Variants in NBEA observed in about 807,000 individuals in gnomAD.
NBEA encodes lysosomal-trafficking regulator 2.
In NBEA, 44 loss-of-function variants were observed where a neutral mutation model predicts 343.4. The ratio of observed to expected loss-of-function variants is 0.13; its 90% CI spans 0.10 to 0.16. NBEA has a LOEUF of 0.16. Ranked by LOEUF, NBEA falls within the 10% of genes least tolerant of loss-of-function variation. NBEA has a pLI of 1.00. For missense variants in NBEA, 2,555 were observed against 3,631.3 expected (o/e 0.70, Z 7.62); for synonymous variants, 1,175 against 1,238.7 (o/e 0.95, Z 1.08).
intron 48 of NBEA, among the ~76,000 whole-genome samples, chr13:35,609,887 G>C (rs546860552): frequency 6.6e-6 from 1 of 152,282 alleles, no homozygotes; most frequent in South Asian, 2.1e-4. Context: ...TTGGTGAGAA[G>C]CTGCCTGCTC....
chr13:35,131,157 G>A (rs1040665291), intron 17 of NBEA, among the ~76,000 whole-genome samples: 1 of 151,948 alleles, frequency 6.6e-6, no homozygotes, highest in Admixed American at 6.6e-5. Context: ...ACAGAGTAAC[G>A]GCAAGGCCAA....
intron 55 of NBEA, among the ~76,000 whole-genome samples, chr13:35,659,685 G>A (rs1337420878): frequency 5.3e-5 from 8 of 152,148 alleles, no homozygotes; most frequent in Admixed American, 5.2e-4. Context: ...AGTCTACCTA[G>A]TGCAGGTTAG....
At chr13:35,608,687 A>C (rs575341709) in intron 48 of NBEA, among the ~76,000 whole-genome samples, 5 of 152,338 alleles carry the variant, frequency 3.3e-5, no homozygotes, top group Admixed American at 6.5e-5. Context: ...AAACTGAATG[A>C]ATCCTTCACT....
intron 33 of NBEA, among the ~76,000 whole-genome samples, chr13:35,213,689 T>TTGAA (rs887839837): frequency 6.7e-6 from 1 of 149,266 alleles, no homozygotes; most frequent in African/African-American, 2.4e-5. Context: ...TTCTTAGGAA[T>TTGAA]TGAATATTTT....
At chr13:35,535,001 T>C (rs1023021161) in intron 41 of NBEA, among the ~76,000 whole-genome samples, 1 of 152,196 alleles carries the variant, frequency 6.6e-6, no homozygotes, top group Non-Finnish European at 1.5e-5. Flanking sequence ...AAAATAATCC[T>C]GGGGCATTCC....
intron 18 of NBEA, among the ~76,000 whole-genome samples, chr13:35,145,812 A>G (rs189443469): frequency 6.6e-6 from 1 of 152,302 alleles, no homozygotes; most frequent in Admixed American, 6.5e-5. Context: ...TTACAGCCTC[A>G]TTAATGGTTC....
At chr13:35,662,231 A>G (rs1195557563) in intron 55 of NBEA, among the ~76,000 whole-genome samples, 3 of 152,220 alleles carry the variant, frequency 2.0e-5, no homozygotes, top group Non-Finnish European at 1.5e-5. Flanking sequence ...ATGCATGTCT[A>G]TAAGGAATCT....
At chr13:35,310,920 G>C (rs1010404467) in intron 36 of NBEA, among the ~76,000 whole-genome samples, 14 of 151,950 alleles carry the variant, frequency 9.2e-5, no homozygotes, top group Non-Finnish European at 2.1e-4. Context: ...ATATCACTTA[G>C]TATTCATTTT....
chr13:35,180,061 T>A (rs2071208178), intron 28 of NBEA, among the ~76,000 whole-genome samples: 1 of 151,828 alleles, frequency 6.6e-6, no homozygotes, highest in African/African-American at 2.4e-5. Flanking sequence ...CAATATTAAA[T>A]CATCAGTAAA....
intron 41 of NBEA, among the ~76,000 whole-genome samples, chr13:35,523,321 C>G (rs1017702424): frequency 1.3e-5 from 2 of 152,158 alleles, no homozygotes; most frequent in African/African-American, 2.4e-5. Flanking sequence ...AGAGTTAATT[C>G]TCATGCCCAT....
chr13:35,148,041 A>AT (rs1158865542), intron 18 of NBEA, among the ~76,000 whole-genome samples: 1 of 152,154 alleles, frequency 6.6e-6, no homozygotes, highest in Non-Finnish European at 1.5e-5. Flanking sequence ...AATGAGGCTG[A>AT]TGATGCTCCA....
intron 34 of NBEA, among the ~76,000 whole-genome samples, chr13:35,264,865 A>C (rs1249603442): frequency 2.0e-5 from 3 of 151,848 alleles, no homozygotes; most frequent in Admixed American, 1.3e-4. Context: ...ACTTCTGTTC[A>C]ACGTAGTAGA....
intron 41 of NBEA, among the ~76,000 whole-genome samples, chr13:35,536,319 C>G (rs1261040471): frequency 6.6e-6 from 1 of 151,986 alleles, no homozygotes; most frequent in African/African-American, 2.4e-5. Flanking sequence ...CTTTTTTGAG[C>G]AGTAAGTTTT....
At chr13:35,265,295 C>A (rs943639871) in intron 34 of NBEA, among the ~76,000 whole-genome samples, 27 of 151,808 alleles carry the variant, frequency 1.8e-4, no homozygotes, top group Admixed American at 2.0e-4. Flanking sequence ...TCAAACTACA[C>A]AAAGTGATCT....
At chr13:35,347,710 GATC>G (rs2039967278) in intron 36 of NBEA, among the ~76,000 whole-genome samples, 1 of 151,574 alleles carries the variant, frequency 6.6e-6, no homozygotes, top group African/African-American at 2.4e-5. Context: ...TCTCCTCCAT[GATC>G]ATCATCATCA....
At chr13:35,254,842 A>G (rs2032405435) in intron 34 of NBEA, among the ~76,000 whole-genome samples, 1 of 152,090 alleles carries the variant, frequency 6.6e-6, no homozygotes, top group Admixed American at 6.5e-5. Flanking sequence ...TGGTAAGAAT[A>G]AATCTATGAA....
intron 11 of NBEA, among the ~76,000 whole-genome samples, chr13:35,102,279 T>G (rs74051255): frequency 0.028 from 4,287 of 151,910 alleles, 90 homozygotes; most frequent in South Asian, 0.075. Context: ...GGGATTTTTT[T>G]TGTGTGTTTC....
chr13:35,448,321 GA>G (rs2046143571), intron 39 of NBEA, among the ~76,000 whole-genome samples: 1 of 152,134 alleles, frequency 6.6e-6, no homozygotes, highest in Admixed American at 6.6e-5. Flanking sequence ...GATTACCCAT[GA>G]TTTTTATATA....
At chr13:35,376,310 C>G (rs1472719932) in intron 38 of NBEA, among the ~76,000 whole-genome samples, 1 of 152,130 alleles carries the variant, frequency 6.6e-6, no homozygotes, top group Non-Finnish European at 1.5e-5. Context: ...AAGCCTTCAT[C>G]ACTTTTTAAG....
Sources: allele counts gnomAD v4.1 joint callset (sites outside exome capture counted in the v4.1 genomes callset), GRCh38; gene constraint gnomAD v4.1.1; transcripts MANE v1.5; gene names NCBI Gene and HGNC (gene_info 2026-07-23, HGNC 2026-07-21).